The following TTLL6 variants were observed in gnomAD, a reference collection of about 807,000 sequenced individuals.
TTLL6 encodes tubulin tyrosine ligase like 6.
Under a neutral mutation model 96.4 loss-of-function variants are expected in TTLL6, and 75 were observed. The ratio of observed to expected loss-of-function variants is 0.78; its 90% CI spans 0.65 to 0.94. The LOEUF (loss-of-function observed/expected upper bound fraction) is 0.94, where lower values mean the gene tolerates loss of function less well. TTLL6 is among the 40% of genes least tolerant of loss of function. TTLL6 has a pLI of 0.00. For missense variants in TTLL6, 1,030 were observed against 1,093.0 expected (o/e 0.94, Z 0.81); for synonymous variants, 411 against 419.4 (o/e 0.98, Z 0.24).
At chr17:48,796,758 C>A (rs1357611235) in intron 7 of TTLL6, among the ~76,000 whole-genome samples, 2 of 152,176 alleles carry the variant, frequency 1.3e-5, no homozygotes, top group East Asian at 3.8e-4. Context: ...TTGATTACCC[C>A]TGAACTGTGG....
intron 15 of TTLL6, among the ~76,000 whole-genome samples, chr17:48,766,874 C>T (rs138551145): frequency 6.6e-6 from 1 of 152,252 alleles, no homozygotes; most frequent in Admixed American, 6.5e-5. Flanking sequence ...GGCTCCTCTG[C>T]CCAGGCCTGG....
intron 13 of TTLL6, among the ~76,000 whole-genome samples, chr17:48,775,755 A>G (rs999405720): frequency 6.6e-6 from 1 of 151,960 alleles, no homozygotes; most frequent in Non-Finnish European, 1.5e-5. Flanking sequence ...TGGTCAGGCT[A>G]GTCTCGACCT....
At chr17:48,780,725 G>A (rs975361750) in intron 13 of TTLL6, among the ~76,000 whole-genome samples, 9 of 152,182 alleles carry the variant, frequency 5.9e-5, no homozygotes, top group Admixed American at 5.9e-4. Context: ...CTTCACAGAA[G>A]TGGAATCATA....
intron 13 of TTLL6, among the ~76,000 whole-genome samples, chr17:48,778,380 C>A (rs901275313): frequency 6.6e-6 from 1 of 151,240 alleles, no homozygotes; most frequent in African/African-American, 2.4e-5. Context: ...AATTGATAAA[C>A]TTTATCAAAA....
chr17:48,790,181 T>C, intron 9 of TTLL6, 75 bp from the exon 10 acceptor site: 1 of 1,525,686 alleles, frequency 6.6e-7, no homozygotes, highest in South Asian at 1.2e-5. Context: ...AGGTGCCACC[T>C]CCAGGGCACT....
chr17:48,805,061 G>A (rs1233284513), intron 1 of TTLL6, 70 bp from the exon 2 acceptor site: 1 of 1,243,932 alleles, frequency 8.0e-7, no homozygotes. Context: ...CCTCGCTCAT[G>A]TGGGTAGAGA....
intron 1 of TTLL6, among the ~76,000 whole-genome samples, chr17:48,813,298 G>A (rs1022719297): frequency 6.6e-6 from 1 of 152,022 alleles, no homozygotes; most frequent in Admixed American, 6.6e-5. Context: ...GCTCATGCCT[G>A]TAATCTCAGC....
At chr17:48,773,147 T>C (rs1201566818) in intron 13 of TTLL6, among the ~76,000 whole-genome samples, 2 of 77,026 alleles carry the variant, frequency 2.6e-5, no homozygotes, top group African/African-American at 1.2e-4. Context: ...TTATTCAATC[T>C]GAAAACAAAA....
chr17:48,774,166 C>A (rs1301713840), intron 13 of TTLL6, among the ~76,000 whole-genome samples: 1 of 141,418 alleles, frequency 7.1e-6, no homozygotes, highest in Admixed American at 7.1e-5. Context: ...TAATAAATAG[C>A]AGAAATCAAT....
At chr17:48,795,953 G>T in intron 8 of TTLL6, 108 bp downstream of exon 8, 1 of 855,622 alleles carries the variant, frequency 1.2e-6, no homozygotes, top group South Asian at 1.8e-5. Context: ...CAGACCATGT[G>T]ACCCAAGATG....
chr17:48,776,354 A>G lies in TTLL6; in HGVS notation c.2041-6257T>C, dbSNP rs749115111. On this transcript the variant is annotated intron_variant, in intron 13 of 15. Transcript: ENST00000393382. ...TGTGCGCCTGTAGTCCCAGCTACTC[A>G]GGAGGCTGAGGCAGGGGAATCACTT... is the stretch of plus-strand genomic sequence containing the variant. 1.9e-3 allele frequency among the ~76,000 whole-genome samples: 296 copies of G among 152,118 alleles called. 9 individuals are homozygous for G. The highest frequency in any genetic ancestry group is 1.8e-4 in the Non-Finnish European group (12 of 68,014).
Position 48,784,913 on chromosome 17 carries a change from C to T in TTLL6, c.2040+10G>A, listed in dbSNP as rs2039057951. ...CACCACTCCCTCCCAGAGCTCGGCT[C>T]ACTACTTACCACAGTGCCAGTGAAT... On this transcript the variant is annotated intron_variant, in intron 13 of 15. Coordinates refer to ENST00000393382, the MANE Select transcript of TTLL6 (RefSeq NM_001130918.3). The T allele has an allele frequency of 6.2e-7, 1 of 1,611,190 alleles. No individual in the cohort carries two copies. Among genetic ancestry groups the T allele is most frequent in the Non-Finnish European group, 8.5e-7 (1 of 1,178,248 alleles).
intron 8 of TTLL6, 116 bp downstream of exon 8, chr17:48,795,933 AGTATATTCTCAG>A: frequency 4.4e-6 from 3 of 687,992 alleles, no homozygotes; most frequent in Non-Finnish European, 7.3e-6. Flanking sequence ...GAGGCAAAGG[AGTATATTCTCAG>A]ACCATGTGAC....
chr17:48,791,234 G>A (rs542914541), intron 9 of TTLL6, 144 bp downstream of exon 9: 639 of 696,266 alleles, frequency 9.2e-4, no homozygotes, highest in Non-Finnish European at 1.4e-3. Flanking sequence ...TCAGCTAAGA[G>A]AGAAGCCCCA....
intron 10 of TTLL6, 98 bp downstream of exon 10, chr17:48,789,833 A>C (rs2048660087): frequency 3.1e-6 from 4 of 1,305,162 alleles, no homozygotes; most frequent in Non-Finnish European, 3.1e-6. Context: ...CTGGGATTAC[A>C]GGTGTGAGCC....
rs1269677799 is a variant in TTLL6, at chr17:48,804,821, C to T, written c.274G>A (p.Gly92Arg). 3.2e-6 allele frequency: 5 copies of T among 1,552,224 alleles called. No individual in the cohort carries two copies. Among genetic ancestry groups the T allele is most frequent in the South Asian group, 1.2e-5 (1 of 84,062 alleles). The change falls in exon 2 of 16, where the codon GGA becomes AGA. Residue 92 changes from glycine to arginine, a missense_variant. Physicochemically the swap from Gly to Arg is moderately radical, Grantham distance 125. Transcript: ENST00000393382. ...CCTTGCTGCTGGGCATTCTGAAGTC[C>T]GTTTTGTGCCCCTGGGTTCTCTCTC... ...FVRENPGAQN[G>R]LQNAQQQGKK...
At chr17:48,778,096 A>G (rs908476119) in intron 13 of TTLL6, among the ~76,000 whole-genome samples, 5 of 151,374 alleles carry the variant, frequency 3.3e-5, no homozygotes, top group Non-Finnish European at 7.4e-5. Context: ...GACCAACATG[A>G]CTAAACCCCG....
At chr17:48,771,383 A>C (rs1358202269) in intron 13 of TTLL6, among the ~76,000 whole-genome samples, 2 of 152,180 alleles carry the variant, frequency 1.3e-5, no homozygotes, top group Non-Finnish European at 2.9e-5. Flanking sequence ...AATCCCAATT[A>C]TTTGGGAGGC....
intron 8 of TTLL6, among the ~76,000 whole-genome samples, chr17:48,791,893 G>C (rs973793085): frequency 1.6e-4 from 25 of 152,196 alleles, no homozygotes; most frequent in African/African-American, 6.0e-4. Context: ...ACATCTATCA[G>C]CAGGGGAAGG....
Sources: gnomAD v4.1 joint callset for allele counts (sites outside exome capture counted in the v4.1 genomes callset) on GRCh38, gnomAD v4.1.1 for gene constraint, MANE v1.5 for transcripts, NCBI Gene and HGNC (gene_info 2026-07-23, HGNC 2026-07-21) for gene names.